The following SLC35F3 variants were observed in gnomAD, a reference collection of about 807,000 sequenced individuals.
The protein encoded by SLC35F3 is putative thiamine transporter SLC35F3.
A neutral mutation model predicts 49.9 loss-of-function variants in SLC35F3; 25 were observed. The ratio of observed to expected loss-of-function variants is 0.50; its 90% CI spans 0.37 to 0.70. The LOEUF is 0.70. Ranked by LOEUF, SLC35F3 falls within the 30% of genes least tolerant of loss-of-function variation. The probability of loss-of-function intolerance (pLI) is 0.00; values close to 1 mark genes in which losing one functional copy is unlikely to be tolerated. For missense variants in SLC35F3, 525 were observed against 639.8 expected, an observed-to-expected ratio of 0.82 and a Z score of 1.94; for synonymous variants, 275 against 265.4, an observed-to-expected ratio of 1.04 and a Z score of -0.35.
chr1:234,297,310 A>G lies in SLC35F3; in HGVS notation c.609-11791A>G, dbSNP rs144816218. 2.2e-4 allele frequency among the ~76,000 whole-genome samples: 33 copies of G among 152,340 alleles called. No homozygotes were observed. In the East Asian group the frequency reaches 6.4e-3, roughly 29 times the overall value. On this transcript the variant is annotated intron_variant, in intron 3 of 7. Coordinates refer to ENST00000366618, the MANE Select transcript of SLC35F3 (RefSeq NM_173508.4). ...AAATCCCGTTACTGGGTATATATACAAAGGAACTGAAATCAGTATGTTAAA... is the reference window on the plus strand; with the variant it reads ...AAATCCCGTTACTGGGTATATATACGAAGGAACTGAAATCAGTATGTTAAA...
At chr1:233,933,931 A>T (rs1223853611) in intron 2 of SLC35F3, among the ~76,000 whole-genome samples, 1 of 152,198 alleles carries the variant, frequency 6.6e-6, no homozygotes, top group Non-Finnish European at 1.5e-5. Context: ...AGGGACTCTT[A>T]CTTTATTTCC....
At chr1:233,941,088 T>C (rs1186532660) in intron 2 of SLC35F3, among the ~76,000 whole-genome samples, 1 of 152,170 alleles carries the variant, frequency 6.6e-6, no homozygotes, top group Non-Finnish European at 1.5e-5. Flanking sequence ...GTTGGAACAG[T>C]AACGGAAATG....
Position 234,322,650 on chromosome 1 carries a change from CGTGTGTGTGT to C in SLC35F3, c.1238-331_1238-322del, listed in dbSNP as rs55827503. 1.5e-3 allele frequency among the ~76,000 whole-genome samples: 211 copies of C among 144,966 alleles called. 1 individual carries two copies. Among genetic ancestry groups the C allele is most frequent in the African/African-American group, 4.3e-3 (167 of 38,924 alleles). On this transcript the variant is annotated intron_variant, in intron 7 of 7. Transcript: ENST00000366618. ...ACCCATGTTGTTCAAGGGTCAAATG[CGTGTGTGTGT>C]GTGTGTGTGTGTGTGTGTGTGTGTG...
chr1:234,004,593 A>G (rs1663603083), intron 2 of SLC35F3, among the ~76,000 whole-genome samples: 1 of 152,158 alleles, frequency 6.6e-6, no homozygotes, highest in African/African-American at 2.4e-5. Context: ...TATTGAGTCA[A>G]ATTAAAAACT....
chr1:234,088,787 A>T (rs1215247158), intron 2 of SLC35F3, among the ~76,000 whole-genome samples: 1 of 151,946 alleles, frequency 6.6e-6, no homozygotes, highest in Non-Finnish European at 1.5e-5. Context: ...TTTGAGACAG[A>T]GTCTCTCTCT....
chr1:234,047,116 T>C (rs975400229), intron 2 of SLC35F3, among the ~76,000 whole-genome samples: 2 of 152,224 alleles, frequency 1.3e-5, no homozygotes, highest in Non-Finnish European at 2.9e-5. Flanking sequence ...TAGCTTACTT[T>C]TTCATATTCT....
At chr1:234,310,308 G>C (rs1657313488) in intron 4 of SLC35F3, among the ~76,000 whole-genome samples, 1 of 152,190 alleles carries the variant, frequency 6.6e-6, no homozygotes, top group South Asian at 2.1e-4. Flanking sequence ...ACCAGTGCAG[G>C]GCCCTCTACT....
chr1:234,311,344 A>G (rs1419018542), intron 4 of SLC35F3, among the ~76,000 whole-genome samples: 3 of 152,220 alleles, frequency 2.0e-5, no homozygotes, highest in Admixed American at 1.3e-4. Flanking sequence ...TAACTGGTGC[A>G]TGGGACCGCT....
intron 2 of SLC35F3, among the ~76,000 whole-genome samples, chr1:233,980,614 C>T (rs911072057): frequency 1.1e-4 from 16 of 152,134 alleles, no homozygotes; most frequent in African/African-American, 3.6e-4. Context: ...GGGCACATCT[C>T]GGTCTTTAGT....
At chr1:234,073,741 G>A (rs1664754070) in intron 2 of SLC35F3, among the ~76,000 whole-genome samples, 1 of 152,086 alleles carries the variant, frequency 6.6e-6, no homozygotes, top group Non-Finnish European at 1.5e-5. Flanking sequence ...AGTATAAACT[G>A]TGAAACCACT....
At chr1:234,011,911 A>G (rs1663726815) in intron 2 of SLC35F3, among the ~76,000 whole-genome samples, 2 of 152,164 alleles carry the variant, frequency 1.3e-5, no homozygotes, top group African/African-American at 4.8e-5. Flanking sequence ...ATAGAGAAAG[A>G]AAAGTGGGCC....
chr1:234,129,471 C>G (rs1217719377), intron 2 of SLC35F3, among the ~76,000 whole-genome samples: 8 of 152,134 alleles, frequency 5.3e-5, no homozygotes, highest in African/African-American at 1.7e-4. Flanking sequence ...AAAGATACAC[C>G]ATGTTTATGG....
At chr1:234,149,374 C>T (rs1269792801) in intron 2 of SLC35F3, among the ~76,000 whole-genome samples, 1 of 152,220 alleles carries the variant, frequency 6.6e-6, no homozygotes, top group East Asian at 1.9e-4. Context: ...ACAGCGCCCA[C>T]ATTTTTAGTT....
At chr1:233,997,948 C>T (rs949122861) in intron 2 of SLC35F3, among the ~76,000 whole-genome samples, 9 of 152,068 alleles carry the variant, frequency 5.9e-5, no homozygotes, top group African/African-American at 2.2e-4. Context: ...TATGGGGTTT[C>T]ACCATGTTGG....
At chr1:234,126,979 G>A (rs1016178860) in intron 2 of SLC35F3, among the ~76,000 whole-genome samples, 2 of 152,202 alleles carry the variant, frequency 1.3e-5, no homozygotes, top group Non-Finnish European at 2.9e-5. Context: ...TTACAGGCAT[G>A]AGCCACCCCA....
At chr1:234,206,718 C>T (rs1450495087) in intron 2 of SLC35F3, among the ~76,000 whole-genome samples, 1 of 152,106 alleles carries the variant, frequency 6.6e-6, no homozygotes. Context: ...TCAAAGCAAG[C>T]CAGAACATGA....
At chr1:234,310,074 A>T (rs547574031) in intron 4 of SLC35F3, among the ~76,000 whole-genome samples, 39 of 152,330 alleles carry the variant, frequency 2.6e-4, no homozygotes, top group African/African-American at 9.4e-4. Context: ...TAAAAGAAAC[A>T]GGTGAAGTTT....
chr1:234,097,921 G>A (rs1374287864), intron 2 of SLC35F3, among the ~76,000 whole-genome samples: 1 of 152,248 alleles, frequency 6.6e-6, no homozygotes, highest in Non-Finnish European at 1.5e-5. Flanking sequence ...GATGGTGGTG[G>A]TAGTGATGGT....
At chr1:233,928,602 A>G (rs1662196543) in intron 2 of SLC35F3, among the ~76,000 whole-genome samples, 1 of 152,158 alleles carries the variant, frequency 6.6e-6, no homozygotes, top group South Asian at 2.1e-4. Context: ...ATATTTTGAG[A>G]TAATGCATCC....
Sources: allele counts gnomAD v4.1 joint callset (sites outside exome capture counted in the v4.1 genomes callset), GRCh38; gene constraint gnomAD v4.1.1; transcripts MANE v1.5; gene names NCBI Gene and HGNC (gene_info 2026-07-23, HGNC 2026-07-21).